Variants in C5 observed in about 807,000 individuals in gnomAD.
The protein encoded by C5 is complement C5.
Under a neutral mutation model 218.8 loss-of-function variants are expected in C5, and 140 were observed. The ratio of observed to expected loss-of-function variants is 0.64; its 90% CI spans 0.56 to 0.74. The LOEUF is 0.74. Among genes scored for constraint, C5 ranks in the 30% least tolerant of loss-of-function variants. The probability of loss-of-function intolerance (pLI) is 0.00; values close to 1 mark genes in which losing one functional copy is unlikely to be tolerated. For synonymous variants in C5, 614 were observed against 682.3 expected (o/e 0.90, Z 1.56); for missense variants, 1,700 against 1,969.6 (o/e 0.86, Z 2.59).
chr9:121,014,229 C>T (rs1587979093), intron 16 of C5, among the ~76,000 whole-genome samples, 159 bp from the exon 17 acceptor site: 1 of 152,114 alleles, frequency 6.6e-6, no homozygotes, highest in South Asian at 2.1e-4. Context: ...TGGAACTATT[C>T]TAAGAATGGG....
chr9:121,039,812 C>T (rs1050601272), intron 3 of C5, among the ~76,000 whole-genome samples: 1 of 152,036 alleles, frequency 6.6e-6, no homozygotes, highest in Admixed American at 6.6e-5. Flanking sequence ...CCATGCCTGG[C>T]TAATTTTTTG....
rs1391629925 is a variant in C5, at chr9:120,962,748, C to T, written c.4427G>A (p.Arg1476Gln). 11 of 1,613,830 alleles carry T rather than the reference C, an allele frequency of 6.8e-6. No individual in the cohort carries two copies. The highest frequency in any genetic ancestry group is 4.0e-5 in the African/African-American group (3 of 74,886). ...TTCAAAGAGTTCAAATATCCGGAATCGTACACAAAGGAAATCACTGGAGGG... is the reference window on the plus strand; with the variant it reads ...TTCAAAGAGTTCAAATATCCGGAATTGTACACAAAGGAAATCACTGGAGGG... ...SIPSSDFLCV[R>Q]FRIFELFEVG... Residue 1476 changes from arginine to glutamine, a missense_variant, in exon 36 of 41, where the codon CGA becomes CAA. Coordinates refer to ENST00000223642, the MANE Select transcript of C5 (RefSeq NM_001735.3).
chr9:121,046,473 ATTT>A, intron 1 of C5, 90 bp from the exon 2 acceptor site: 1 of 864,840 alleles, frequency 1.2e-6, no homozygotes, highest in Non-Finnish European at 1.9e-6. Context: ...GAGAGATTCC[ATTT>A]AAAATACATA....
intron 4 of C5, among the ~76,000 whole-genome samples, chr9:121,036,281 C>T (rs879714003): frequency 2.6e-5 from 4 of 152,184 alleles, no homozygotes; most frequent in Non-Finnish European, 5.9e-5. Context: ...TCATCTTTCT[C>T]AGGTACTATT....
intron 37 of C5, 97 bp from the exon 38 acceptor site, chr9:120,960,434 C>T (rs2046818591): frequency 1.3e-6 from 1 of 775,114 alleles, no homozygotes; most frequent in African/African-American, 1.7e-5. Context: ...CAGAGACAAC[C>T]CAATATAACC....
At chr9:121,056,346 A>G in the C5 span, among the ~76,000 whole-genome samples, 2 of 152,220 alleles carry the variant, frequency 1.3e-5, no homozygotes, top group Non-Finnish European at 2.9e-5. Context: ...ATGAACTTCA[A>G]TGAACTTCAA....
chr9:120,980,676 C>G (rs1055627295), intron 27 of C5, among the ~76,000 whole-genome samples: 1 of 152,088 alleles, frequency 6.6e-6, no homozygotes. Context: ...CTGCAAGCTC[C>G]GCCTCCCAGG....
chr9:120,992,278 G>T (rs942168391), intron 22 of C5, among the ~76,000 whole-genome samples: 2 of 152,188 alleles, frequency 1.3e-5, no homozygotes, highest in African/African-American at 4.8e-5. Flanking sequence ...AAATGCAGAG[G>T]ATATATCAAA....
At chr9:120,981,731 T>C in intron 27 of C5, 113 bp downstream of exon 27, 2 of 730,370 alleles carry the variant, frequency 2.7e-6, no homozygotes, top group East Asian at 2.7e-5. Flanking sequence ...TTTCAAGTTA[T>C]TGGAAAGAAG....
intron 38 of C5, among the ~76,000 whole-genome samples, chr9:120,957,733 C>G (rs922071493): frequency 6.6e-6 from 1 of 152,226 alleles, no homozygotes; most frequent in Non-Finnish European, 1.5e-5. Flanking sequence ...CCCCTTCATT[C>G]TCTTCTCCAT....
At chr9:121,036,183 C>G (rs1274689192) in intron 4 of C5, among the ~76,000 whole-genome samples, 1 of 152,096 alleles carries the variant, frequency 6.6e-6, no homozygotes, top group African/African-American at 2.4e-5. Context: ...CTTACAGAAG[C>G]CTATTTTGAA....
chr9:121,026,696 A>G (rs1476726595), intron 8 of C5, among the ~76,000 whole-genome samples: 1 of 152,150 alleles, frequency 6.6e-6, no homozygotes, highest in African/African-American at 2.4e-5. Context: ...TGAAATGTGA[A>G]GAATGTGTTA....
chr9:121,027,352 A>C, intron 7 of C5, 78 bp from the exon 8 acceptor site: 1 of 807,890 alleles, frequency 1.2e-6, no homozygotes, highest in Non-Finnish European at 2.1e-6. Flanking sequence ...ACAATTTGAA[A>C]TTACGTAAAG....
At chr9:121,037,302 GT>G (rs201849062) in intron 4 of C5, among the ~76,000 whole-genome samples, 32,527 of 136,582 alleles carry the variant, frequency 0.24, 3,601 homozygotes, top group East Asian at 0.39. Flanking sequence ...TTGTTTTTTG[GT>G]TTTTTTTTTT....
chr9:120,957,084 T>G (rs2046790707), intron 39 of C5: 1 of 485,008 alleles, frequency 2.1e-6, no homozygotes, highest in Non-Finnish European at 3.8e-6. Flanking sequence ...TTTGCTGAAG[T>G]TTTAGAAAAA....
intron 17 of C5, among the ~76,000 whole-genome samples, chr9:121,012,618 G>A (rs993237944): frequency 6.6e-6 from 1 of 152,122 alleles, no homozygotes; most frequent in Non-Finnish European, 1.5e-5. Context: ...AAATTTTGTG[G>A]CCATTTACCA....
intron 4 of C5, among the ~76,000 whole-genome samples, chr9:121,037,115 A>T (rs144945251): frequency 2.0e-5 from 3 of 152,076 alleles, no homozygotes; most frequent in African/African-American, 7.2e-5. Context: ...TTAACTCATG[A>T]TTTAGCAAGA....
chr9:120,981,411 A>T (rs190796465), intron 27 of C5, among the ~76,000 whole-genome samples: 1 of 152,220 alleles, frequency 6.6e-6, no homozygotes, highest in African/African-American at 2.4e-5. Context: ...TGGAGGATAC[A>T]CATTTGCTGT....
chr9:120,953,381 A>G (rs576929119), intron 40 of C5, among the ~76,000 whole-genome samples: 2 of 152,342 alleles, frequency 1.3e-5, no homozygotes, highest in South Asian at 4.1e-4. Context: ...AAGTACATCT[A>G]TTTCAATGAC....
Sources: gnomAD v4.1 joint callset for allele counts (sites outside exome capture counted in the v4.1 genomes callset) on GRCh38, gnomAD v4.1.1 for gene constraint, MANE v1.5 for transcripts, NCBI Gene and HGNC (gene_info 2026-07-23, HGNC 2026-07-21) for gene names.